Variants in TMEM222 observed in about 807,000 individuals in gnomAD.
The protein encoded by TMEM222 is chromosome 1 open reading frame 160.
In TMEM222, 18 loss-of-function variants were observed where a neutral mutation model predicts 25.1. The ratio of observed to expected loss-of-function variants is 0.72; its 90% CI spans 0.50 to 1.06. The LOEUF is 1.06. Among genes scored for constraint, TMEM222 ranks in the 50% least tolerant of loss-of-function variants. The probability of loss-of-function intolerance (pLI) is 0.00; values close to 1 mark genes in which losing one functional copy is unlikely to be tolerated. For synonymous variants in TMEM222, 131 were observed against 117.9 expected, an observed-to-expected ratio of 1.11 and a Z score of -0.72; for missense variants, 296 against 293.7, an observed-to-expected ratio of 1.01 and a Z score of -0.06.
intron 1 of TMEM222, among the ~76,000 whole-genome samples, chr1:27,324,419 A>G (rs1041406366): frequency 2.6e-5 from 4 of 152,212 alleles, no homozygotes; most frequent in African/African-American, 7.2e-5. Context: ...AGCCTTTCTT[A>G]TTCTCAAAAA....
At chr1:27,325,733 G>A in intron 1 of TMEM222, 1 of 891,898 alleles carries the variant, frequency 1.1e-6, no homozygotes, top group South Asian at 1.3e-5. Context: ...TCCAGCAGAT[G>A]TGGATTAGCA....
chr1:27,323,061 T>C (rs2014245986), intron 1 of TMEM222, among the ~76,000 whole-genome samples: 1 of 152,194 alleles, frequency 6.6e-6, no homozygotes, highest in South Asian at 2.1e-4. Context: ...TGCTTCAACC[T>C]TGACAGCTGA....
rs149527192 is a variant in TMEM222 at position 27,323,550 on chromosome 1, A to T, written c.194+1159A>T. Among the ~76,000 whole-genome samples, 361 of 151,634 alleles carry T rather than the reference A, an allele frequency of 2.4e-3. 4 individuals carry two copies. Among genetic ancestry groups the T allele is most frequent in the African/African-American group, 8.4e-3 (346 of 41,324 alleles). On this transcript the variant is annotated intron_variant, in intron 1 of 5. Coordinates refer to ENST00000374076, the MANE Select transcript of TMEM222 (RefSeq NM_032125.3). ...ATCCCAGCACTCTGGGAGGCAGTGG[A>T]GGGTGGATCGGTAGGTAGTTCGAGA...
chr1:27,325,209 A>C (rs2014309171), intron 1 of TMEM222: 1 of 406,298 alleles, frequency 2.5e-6, no homozygotes, highest in South Asian at 2.1e-5. Context: ...CTGCATGAAA[A>C]ACCAGTTTAG....
intron 5 of TMEM222, chr1:27,334,600 G>T: frequency 1.4e-6 from 2 of 1,444,014 alleles, no homozygotes; most frequent in Non-Finnish European, 1.8e-6. Flanking sequence ...CCTCAGGGAG[G>T]CTTCTACGGA....
At chr1:27,333,485 C>G (rs1251412327) in intron 3 of TMEM222, 1 of 462,166 alleles carries the variant, frequency 2.2e-6, no homozygotes, top group Non-Finnish European at 4.4e-6. Flanking sequence ...GAAGACTGGA[C>G]AGTCCTGGGT....
At chr1:27,334,430 C>A in intron 5 of TMEM222, 149 bp downstream of exon 5, 3 of 1,330,498 alleles carry the variant, frequency 2.3e-6, no homozygotes, top group Non-Finnish European at 2.0e-6. Flanking sequence ...GAGTGACGAG[C>A]TGAGGGCCTG....
chr1:27,331,395 CA>C (rs1377872219), intron 2 of TMEM222, among the ~76,000 whole-genome samples: 1 of 152,174 alleles, frequency 6.6e-6, no homozygotes, highest in Non-Finnish European at 1.5e-5. Flanking sequence ...CTTAACACGA[CA>C]AAGGTCTGTC....
intron 1 of TMEM222, among the ~76,000 whole-genome samples, chr1:27,330,488 C>G (rs56702975): frequency 6.6e-6 from 1 of 152,068 alleles, no homozygotes; most frequent in Non-Finnish European, 1.5e-5. Context: ...ATTGGTGTTG[C>G]TGTCGTTTGA....
intron 2 of TMEM222, 123 bp from the exon 3 acceptor site, chr1:27,331,947 C>A: frequency 1.0e-6 from 1 of 954,382 alleles, no homozygotes; most frequent in Non-Finnish European, 1.7e-6. Flanking sequence ...CCAGGCCCCA[C>A]TTCTGGCCCC....
chr1:27,324,188 G>A (rs1304514995), intron 1 of TMEM222, among the ~76,000 whole-genome samples: 1 of 152,186 alleles, frequency 6.6e-6, no homozygotes, highest in African/African-American at 2.4e-5. Flanking sequence ...AGCCGGGGTG[G>A]TGGCACATGC....
At chr1:27,327,118 A>G (rs951507545) in intron 1 of TMEM222, among the ~76,000 whole-genome samples, 4 of 152,164 alleles carry the variant, frequency 2.6e-5, no homozygotes, top group East Asian at 3.9e-4. Context: ...AACTTATTCT[A>G]TGTTAGTGCA....
rs1571014649 is a variant in TMEM222 at position 27,334,301 on chromosome 1, G to C, written c.539+20G>C. On this transcript the variant is annotated intron_variant, in intron 5 of 5. Coordinates refer to ENST00000374076, the MANE Select transcript of TMEM222 (RefSeq NM_032125.3). The stretch of plus-strand genomic sequence containing the variant: ...CGTCAGGTGAGCTGCCCTCCTGCCT[G>C]CCCACCCACACACTGCCCAGAGGCT... 11 of 1,613,858 alleles carry C rather than the reference G, an allele frequency of 6.8e-6. No homozygotes were observed. The East Asian group carries it at 2.5e-4, about 36-fold the overall frequency.
At chr1:27,334,521 C>T in intron 5 of TMEM222, 1 of 1,388,370 alleles carries the variant, frequency 7.2e-7, no homozygotes, top group South Asian at 1.5e-5. Context: ...GCTGTGAGAC[C>T]ATGGGCAACT....
At chr1:27,330,918 C>T in intron 2 of TMEM222, 114 bp downstream of exon 2, 1 of 1,574,120 alleles carries the variant, frequency 6.4e-7, no homozygotes, top group South Asian at 1.1e-5. Context: ...AGATAACCCG[C>T]AGTCCTGGCC....
chr1:27,327,330 A>G (rs779918927), intron 1 of TMEM222, among the ~76,000 whole-genome samples: 1 of 152,022 alleles, frequency 6.6e-6, no homozygotes, highest in Non-Finnish European at 1.5e-5. Context: ...GCAAGCCTCA[A>G]CCCAGATGAT....
At chr1:27,332,338 G>C (rs1374476130) in intron 3 of TMEM222, 2 of 713,610 alleles carry the variant, frequency 2.8e-6, no homozygotes, top group African/African-American at 3.5e-5. Context: ...AGCTCTTCAG[G>C]TTTGTATTTT....
intron 1 of TMEM222, among the ~76,000 whole-genome samples, chr1:27,324,716 C>T (rs2014297395): frequency 6.6e-6 from 1 of 152,160 alleles, no homozygotes; most frequent in South Asian, 2.1e-4. Flanking sequence ...AGCATAGTGG[C>T]TTCTGCTTCT....
chr1:27,325,626 C>A, intron 1 of TMEM222: 1 of 874,334 alleles, frequency 1.1e-6, no homozygotes, highest in Non-Finnish European at 2.0e-6. Context: ...GATTAACGCC[C>A]TGGCATCCAG....
Sources: gnomAD v4.1 joint callset for allele counts (sites outside exome capture counted in the v4.1 genomes callset) on GRCh38, gnomAD v4.1.1 for gene constraint, MANE v1.5 for transcripts, NCBI Gene and HGNC (gene_info 2026-07-23, HGNC 2026-07-21) for gene names.